The following GPR63 variants were observed in gnomAD, a reference collection of about 807,000 sequenced individuals.
GPR63 encodes G protein-coupled receptor 63.
Under a neutral mutation model 23.1 loss-of-function variants are expected in GPR63, and 12 were observed. The observed-to-expected ratio is 0.52, with a 90% CI of 0.33 to 0.84. The LOEUF is 0.84. Ranked by LOEUF, GPR63 falls within the 40% of genes least tolerant of loss-of-function variation. GPR63 has a pLI of 0.02. For missense variants in GPR63, 472 were observed against 515.6 expected (o/e 0.92, Z 0.82); for synonymous variants, 172 against 191.1 (o/e 0.90, Z 0.82).
chr6:96,806,325 A>T (rs1273615044), intron 1 of GPR63, among the ~76,000 whole-genome samples: 1 of 152,206 alleles, frequency 6.6e-6, no homozygotes, highest in East Asian at 1.9e-4. Context: ...TACCACTAAT[A>T]CAGAGACACA....
At chr6:96,823,420 A>C (rs1181283256) in intron 1 of GPR63, among the ~76,000 whole-genome samples, 1 of 152,176 alleles carries the variant, frequency 6.6e-6, no homozygotes, top group Non-Finnish European at 1.5e-5. Context: ...CTTAAAAGTT[A>C]ACAAAATTTT....
chr6:96,831,281 G>A (rs2094693653), intron 1 of GPR63, among the ~76,000 whole-genome samples: 1 of 152,124 alleles, frequency 6.6e-6, no homozygotes, highest in Admixed American at 6.6e-5. Context: ...TTTAGCTGGA[G>A]GTAACATTTA....
At chr6:96,812,867 C>G (rs1014024992) in intron 1 of GPR63, among the ~76,000 whole-genome samples, 3 of 152,032 alleles carry the variant, frequency 2.0e-5, no homozygotes, top group Admixed American at 6.6e-5. Context: ...GTTCTCTCTT[C>G]TAATTAGTTT....
At chr6:96,836,119 A>C (rs1404761720) in intron 1 of GPR63, among the ~76,000 whole-genome samples, 1 of 152,166 alleles carries the variant, frequency 6.6e-6, no homozygotes, top group African/African-American at 2.4e-5. Context: ...TAAGGCAAAC[A>C]GGAATAGAGG....
chr6:96,833,109 G>T (rs1474144234), intron 1 of GPR63, among the ~76,000 whole-genome samples: 1 of 152,164 alleles, frequency 6.6e-6, no homozygotes, highest in Admixed American at 6.5e-5. Flanking sequence ...AAATGGAGTA[G>T]GAAGACTGTG....
chr6:96,834,905 G>C (rs568318888), intron 1 of GPR63, among the ~76,000 whole-genome samples: 34 of 152,230 alleles, frequency 2.2e-4, no homozygotes, highest in African/African-American at 7.9e-4. Context: ...ACTTCCCCAA[G>C]GTTTGCCTCT....
chr6:96,832,366 G>A (rs1774607569), intron 1 of GPR63, among the ~76,000 whole-genome samples: 1 of 151,808 alleles, frequency 6.6e-6, no homozygotes, highest in African/African-American at 2.4e-5. Context: ...CAGGGCTCAA[G>A]CAATCCTCCC....
chr6:96,831,307 A>C (rs1039397351), intron 1 of GPR63, among the ~76,000 whole-genome samples: 3 of 152,152 alleles, frequency 2.0e-5, no homozygotes, highest in Admixed American at 6.5e-5. Context: ...ATAACTGAGC[A>C]CTCATGAATG....
intron 1 of GPR63, among the ~76,000 whole-genome samples, chr6:96,814,305 G>A (rs1582261756): frequency 6.6e-6 from 1 of 151,896 alleles, no homozygotes; most frequent in South Asian, 2.1e-4. Context: ...ATTGCCTCTC[G>A]TCTTTGAGCC....
intron 1 of GPR63, among the ~76,000 whole-genome samples, chr6:96,807,028 T>C (rs908566927): frequency 6.6e-6 from 1 of 152,244 alleles, no homozygotes; most frequent in Non-Finnish European, 1.5e-5. Flanking sequence ...TTTTGAATAG[T>C]ATACTTGGTT....
rs74893582 is a variant in GPR63 at position 96,831,434 on chromosome 6, C to CA, written c.-151+5833dup. Among the ~76,000 whole-genome samples the CA allele has an allele frequency of 7.8e-3, 821 of 105,644 alleles. 2 individuals are homozygous for CA. Among genetic ancestry groups the CA allele is most frequent in the African/African-American group, 0.011 (321 of 28,360 alleles). 69.3% of individuals were successfully genotyped at this position (105,644 alleles called of 152,430 possible). A position where few individuals can be genotyped will look rare whatever the true frequency, so the allele number is the denominator to read the frequency against. ...CTTGACTCTTTCATATTACACTTAC[C>CA]AAAAAAAAAAAAAACTGTAGAAGAT... is the stretch of plus-strand genomic sequence containing the variant. On this transcript the variant is annotated intron_variant, in intron 1 of 1. Coordinates refer to ENST00000229955, the MANE Select transcript of GPR63 (RefSeq NM_030784.4).
chr6:96,832,435 T>TTC, intron 1 of GPR63, among the ~76,000 whole-genome samples: 1 of 151,302 alleles, frequency 6.6e-6, no homozygotes, highest in East Asian at 1.9e-4. Flanking sequence ...TGACTAACTT[T>TTC]TTTTTTTTTT....
chr6:96,819,509 G>T (rs915940035), intron 1 of GPR63, among the ~76,000 whole-genome samples: 2 of 151,918 alleles, frequency 1.3e-5, no homozygotes, highest in African/African-American at 4.8e-5. Context: ...ACACACTGGG[G>T]CCTGTCGGGG....
chr6:96,799,178 TGGACTATAATAA>T lies in GPR63; in HGVS notation c.542_553del (p.Leu181_Val184del). On this transcript the variant is annotated inframe_deletion, in exon 2 of 2. Coordinates refer to ENST00000229955, the MANE Select transcript of GPR63 (RefSeq NM_030784.4). The stretch of plus-strand genomic sequence containing the variant: ...ATATGGGTTTAGCTTATCCTGCCTC[TGGACTATAATAA>T]GGAACCTATCTATGCTAATGATGAG... 1 of 1,614,184 alleles carries T rather than the reference TGGACTATAATAA, an allele frequency of 6.2e-7. No homozygotes were observed. The highest frequency in any genetic ancestry group is 8.5e-7 in the Non-Finnish European group (1 of 1,180,030).
chr6:96,815,369 TAGTCAA>T (rs1774138447), intron 1 of GPR63, among the ~76,000 whole-genome samples: 1 of 152,186 alleles, frequency 6.6e-6, no homozygotes, highest in Non-Finnish European at 1.5e-5. Context: ...GTATCCAAAA[TAGTCAA>T]ACTCATAGAA....
intron 1 of GPR63, among the ~76,000 whole-genome samples, chr6:96,833,058 T>A (rs1225310409): frequency 6.6e-6 from 1 of 152,056 alleles, no homozygotes; most frequent in African/African-American, 2.4e-5. Flanking sequence ...ATAGACAGTG[T>A]GAAACTTTAG....
intron 1 of GPR63, 115 bp from the exon 2 acceptor site, chr6:96,799,996 A>G (rs769228903): frequency 1.3e-4 from 60 of 470,792 alleles, no homozygotes; most frequent in Non-Finnish European, 2.2e-4. Context: ...TTGACCGTTT[A>G]AAAATATTTT....
At chr6:96,829,926 C>T (rs972925888) in intron 1 of GPR63, among the ~76,000 whole-genome samples, 1 of 152,034 alleles carries the variant, frequency 6.6e-6, no homozygotes, top group African/African-American at 2.4e-5. Flanking sequence ...TTCGGCTTTG[C>T]TGATCATCTC....
rs1314196163 is a variant in GPR63 at position 96,837,352 on chromosome 6, A to G, written c.-235T>C. 2 of 152,434 alleles carry G rather than the reference A, an allele frequency of 1.3e-5. No individual in the cohort carries two copies. The highest frequency in any genetic ancestry group is 3.9e-4 in the East Asian group (2 of 5,140). 9.4% of individuals were successfully genotyped at this position (152,434 alleles called of 1,614,324 possible). A position where few individuals can be genotyped will look rare whatever the true frequency, so the allele number is the denominator to read the frequency against. ...TAGTCCCTCCCGGAACTTTCCTGAC[A>G]TAGCACTTCTCTCCTCCGCTGCAGA... On this transcript the variant is annotated 5_prime_UTR_variant, in exon 1 of 2. An upstream start codon of the reference 5' UTR is lost. Transcript: ENST00000229955.
Sources: gnomAD v4.1 joint callset for allele counts (sites outside exome capture counted in the v4.1 genomes callset) on GRCh38, gnomAD v4.1.1 for gene constraint, MANE v1.5 for transcripts, NCBI Gene and HGNC (gene_info 2026-07-23, HGNC 2026-07-21) for gene names.